Variants in RBM15B observed in about 807,000 individuals in gnomAD.
The protein encoded by RBM15B is RNA binding motif protein 15B.
Under a neutral mutation model 53.3 loss-of-function variants are expected in RBM15B, and 11 were observed. The observed-to-expected ratio is 0.21, with a 90% CI of 0.13 to 0.34. The LOEUF is 0.34. RBM15B is among the 10% of genes least tolerant of loss of function. RBM15B has a pLI of 1.00. For synonymous variants in RBM15B, 631 were observed against 540.7 expected, an observed-to-expected ratio of 1.17 and a Z score of -2.32; for missense variants, 1,136 against 1,250.3, an observed-to-expected ratio of 0.91 and a Z score of 1.38.
Position 51,391,414 on chromosome 3 carries a change from C to T in RBM15B, c.15C>T (p.Ser5=). The T allele has an allele frequency of 8.0e-7, 1 of 1,254,736 alleles. No homozygotes were observed. The highest frequency in any genetic ancestry group is 1.0e-6 in the Non-Finnish European group (1 of 997,890). 77.7% of individuals were successfully genotyped at this position (1,254,736 alleles called of 1,614,324 possible). The change falls in exon 1 of 1, where the codon AGC becomes AGT. Residue 5 remains serine, a synonymous_variant. Transcript: ENST00000563281. The surrounding 1 kb of genome is among the most constrained non-coding windows in gnomAD (Gnocchi z 4.5). ...GCGCCAGCGCCATGAAGCGGCAGAG[C>T]GAGCGAGACTCTAGCCCGAGCGGGC... MKRQ[S]ERDSSPSGRG... is the part of the protein sequence containing the mutation.
chr3:51,392,526 G>GCGGT lies in RBM15B; in HGVS notation c.1128_1131dup (p.Ala378ArgfsTer16). 6.2e-7 allele frequency: 1 copy of GCGGT among 1,613,912 alleles called. No individual in the cohort carries two copies. The highest frequency in any genetic ancestry group is 8.5e-7 in the Non-Finnish European group (1 of 1,180,038). ...ATCAAGAGGCCTGCCCGTGGCCAGG[G>GCGGT]CGGTGCCTATGCCTTCCTCAAGTTC... On this transcript the variant is annotated frameshift_variant, in exon 1 of 1. Coordinates refer to ENST00000563281, the MANE Select transcript of RBM15B (RefSeq NM_013286.5). LOFTEE classifies it high-confidence loss of function. The surrounding 1 kb of genome is among the most constrained non-coding windows in gnomAD (Gnocchi z 7.5).
At position 51,391,297 on chromosome 3, in the gene RBM15B, T is replaced by G. The variant is rs2106638936; in HGVS notation, c.-103T>G. 4 of 964,346 alleles carry G rather than the reference T, an allele frequency of 4.1e-6. No individual in the cohort carries two copies. The highest frequency in any genetic ancestry group is 5.2e-6 in the Non-Finnish European group (4 of 767,904). The allele number at this position is 964,346 out of a possible 1,614,324, so 59.7% of individuals were successfully genotyped here. A position where few individuals can be genotyped will look rare whatever the true frequency, so the allele number is the denominator to read the frequency against. ...CGCCGCCACCGCCGCGCCGAGTCCTTTTGTCCAAGATGGCGGCGCCGGGGG... is the reference window on the plus strand; with the variant it reads ...CGCCGCCACCGCCGCGCCGAGTCCTGTTGTCCAAGATGGCGGCGCCGGGGG... On this transcript the variant is annotated 5_prime_UTR_variant, in exon 1 of 1. Transcript: ENST00000563281. The surrounding 1 kb of genome is among the most constrained non-coding windows in gnomAD (Gnocchi z 4.5).
In RBM15B at chr3:51,393,757, G is replaced by A. The variant is rs782482247; in HGVS notation, c.2358G>A (p.Gly786=). The A allele has an allele frequency of 6.2e-7, 1 of 1,613,854 alleles. No individual in the cohort carries two copies. The highest frequency in any genetic ancestry group is 1.1e-5 in the South Asian group (1 of 91,066). The change falls in exon 1 of 1, where the codon GGG becomes GGA. Residue 786 remains glycine, a synonymous_variant. Transcript: ENST00000563281. This position sits in a 1 kb window ranked among gnomAD's most constrained non-coding sequence, Gnocchi z 5.6. ...LDEVTRRIKQ[G]SPNGYAVLLA... ...AGGTCACACGACGCATCAAGCAGGG[G>A]AGCCCCAACGGCTATGCGGTCCTCT...
At position 51,395,405 on chromosome 3, in the gene RBM15B, G is replaced by A. The variant is rs1553622504; in HGVS notation, c.*1333G>A. The A allele has an allele frequency of 5.6e-6, 1 of 177,738 alleles. No homozygotes were observed. Among genetic ancestry groups the A allele is most frequent in the Non-Finnish European group, 1.3e-5 (1 of 75,446 alleles). The allele number at this position is 177,738 out of a possible 1,614,324, so 11.0% of individuals were successfully genotyped here. Reference sequence around the variant, plus strand: ...GGAGGTACCCTCTAGCTGGGAAGAAGGGTGAGATTCCGTCTTCTTCCCTGT... The same window carrying A: ...GGAGGTACCCTCTAGCTGGGAAGAAAGGTGAGATTCCGTCTTCTTCCCTGT... On this transcript the variant is annotated 3_prime_UTR_variant, in exon 1 of 1. Transcript: ENST00000563281.
rs1553621573 is a variant in RBM15B at position 51,391,798 on chromosome 3, G to T, written c.399G>T (p.Ala133=). ...GAEPACPGSS[A]AAPEYKTLLI... ...AGCCCGCGTGTCCCGGCTCATCCGCGGCCGCGCCTGAGTACAAGACGTTGC... is the reference window on the plus strand; with the variant it reads ...AGCCCGCGTGTCCCGGCTCATCCGCTGCCGCGCCTGAGTACAAGACGTTGC... Residue 133 remains alanine (A), a synonymous_variant, in exon 1 of 1, where the codon GCG becomes GCT. Transcript: ENST00000563281. This position sits in a 1 kb window ranked among gnomAD's most constrained non-coding sequence, Gnocchi z 4.5. 6.3e-7 allele frequency: 1 copy of T among 1,592,270 alleles called. No individual in the cohort carries two copies. The highest frequency in any genetic ancestry group is 1.4e-5 in the African/African-American group (1 of 73,242).
At position 51,396,300 on chromosome 3, in the gene RBM15B, C is replaced by T. The variant is rs1229673863; in HGVS notation, c.*2228C>T. On this transcript the variant is annotated 3_prime_UTR_variant, in exon 1 of 1. Coordinates refer to ENST00000563281, the MANE Select transcript of RBM15B (RefSeq NM_013286.5). ...CTCTTCAGAGAAAGGTGTCCCATGG[C>T]CCCAAAAAGAACTGCCAAGTTTTGG... is the stretch of plus-strand genomic sequence containing the variant. 2 of 187,072 alleles carry T rather than the reference C, an allele frequency of 1.1e-5. No individual in the cohort carries two copies. The highest frequency in any genetic ancestry group is 2.4e-5 in the Non-Finnish European group (2 of 81,722). The allele number at this position is 187,072 out of a possible 1,614,324, so 11.6% of individuals were successfully genotyped here.
Position 51,394,289 on chromosome 3 carries a change from G to A in RBM15B, c.*217G>A. On this transcript the variant is annotated 3_prime_UTR_variant, in exon 1 of 1. Transcript: ENST00000563281. ...GATGAGAAGGGAATCCGGTTATGTT[G>A]ATTTCTAGTGTACAAGATACTGTCT... The A allele has an allele frequency of 1.8e-6, 1 of 555,210 alleles. No individual in the cohort carries two copies. The highest frequency in any genetic ancestry group is 2.8e-6 in the Non-Finnish European group (1 of 361,182). 34.4% of individuals were successfully genotyped at this position (555,210 alleles called of 1,614,324 possible).
chr3:51,395,948 A>C lies in RBM15B; in HGVS notation c.*1876A>C, dbSNP rs148536321. ...GTCACAGCTGCCAGGTACCTAAGCA[A>C]GTCAGTTGGGTACAGCAGGACACGC... On this transcript the variant is annotated 3_prime_UTR_variant, in exon 1 of 1. Transcript: ENST00000563281. 1.7e-4 allele frequency: 71 copies of C among 413,482 alleles called. No individual in the cohort carries two copies. Among genetic ancestry groups the C allele is most frequent in the African/African-American group, 1.3e-3 (63 of 48,740 alleles). 25.6% of individuals were successfully genotyped at this position (413,482 alleles called of 1,614,324 possible).
In RBM15B at chr3:51,393,217, A is replaced by C; in HGVS notation, c.1818A>C (p.Thr606=). ...GCCTTTCCAGTGACCGTGGGAGGAC[A>C]ACCCATTCACCATATGAGGAACGGA... ...RRSLSSDRGR[T]THSPYEERSR... The change falls in exon 1 of 1, where the codon ACA becomes ACC. Residue 606 remains threonine, a synonymous_variant. Coordinates refer to ENST00000563281, the MANE Select transcript of RBM15B (RefSeq NM_013286.5). This position sits in a 1 kb window ranked among gnomAD's most constrained non-coding sequence, Gnocchi z 5.6. The C allele has an allele frequency of 3.7e-6, 6 of 1,613,900 alleles. No homozygotes were observed. The highest frequency in any genetic ancestry group is 5.1e-6 in the Non-Finnish European group (6 of 1,179,864).
chr3:51,394,356 GA>G lies in RBM15B; in HGVS notation c.*287del. 3.2e-6 allele frequency: 1 copy of G among 310,236 alleles called. No homozygotes were observed. Among genetic ancestry groups the G allele is most frequent in the Non-Finnish European group, 6.0e-6 (1 of 167,620 alleles). The allele number at this position is 310,236 out of a possible 1,614,324, so 19.2% of individuals were successfully genotyped here. ...TTTTTATTTTTTGACCAACTGTATG[GA>G]AAGTTGTCAGTAAAACCTTTGACAG... On this transcript the variant is annotated 3_prime_UTR_variant, in exon 1 of 1. Transcript: ENST00000563281.
Position 51,394,089 on chromosome 3 carries a change from C to CT in RBM15B, c.*17_*18insT. On this transcript the variant is annotated 3_prime_UTR_variant, in exon 1 of 1. Coordinates refer to ENST00000563281, the MANE Select transcript of RBM15B (RefSeq NM_013286.5). ...ACTGCCTAGCCCAAGCCTGTCTTTCCCAGCGTCATGTTTGTGTCACAAAAG... is the reference window on the plus strand; with the variant it reads ...ACTGCCTAGCCCAAGCCTGTCTTTCCTCAGCGTCATGTTTGTGTCACAAAAG... 1 of 1,405,352 alleles carries CT rather than the reference C, an allele frequency of 7.1e-7. No individual in the cohort carries two copies. The highest frequency in any genetic ancestry group is 9.3e-7 in the Non-Finnish European group (1 of 1,074,910). 87.1% of individuals were successfully genotyped at this position (1,405,352 alleles called of 1,614,324 possible). A position where few individuals can be genotyped will look rare whatever the true frequency, so the allele number is the denominator to read the frequency against.
At position 51,395,737 on chromosome 3, in the gene RBM15B, G is replaced by C. The variant is rs1287116972; in HGVS notation, c.*1665G>C. The C allele has an allele frequency of 2.4e-6, 1 of 413,156 alleles. No homozygotes were observed. The highest frequency in any genetic ancestry group is 4.4e-6 in the Non-Finnish European group (1 of 226,072). 25.6% of individuals were successfully genotyped at this position (413,156 alleles called of 1,614,324 possible). On this transcript the variant is annotated 3_prime_UTR_variant, in exon 1 of 1. Transcript: ENST00000563281. Reference sequence around the variant, plus strand: ...CTGAGATTAGAGGCTGGGGCTCACTGCAGGCTGTGGAGAGGTCATGCTGGT... The same window carrying C: ...CTGAGATTAGAGGCTGGGGCTCACTCCAGGCTGTGGAGAGGTCATGCTGGT...
chr3:51,393,180 G>A lies in RBM15B; in HGVS notation c.1781G>A (p.Arg594Gln). The stretch of plus-strand genomic sequence containing the variant: ...TTGCCCAAGCCCTGGGAAGAGAGGC[G>A]GAAACGGAGAAGCCTTTCCAGTGAC... Reference protein sequence around the residue: ...RGLPKPWEERRKRRSLSSDRG... With the variant: ...RGLPKPWEERQKRRSLSSDRG... The change falls in exon 1 of 1, where the codon CGG becomes CAG. Residue 594 changes from arginine to glutamine, a missense_variant. Transcript: ENST00000563281. The surrounding 1 kb of genome is among the most constrained non-coding windows in gnomAD (Gnocchi z 5.6). The A allele has an allele frequency of 1.2e-6, 2 of 1,613,952 alleles. No homozygotes were observed. The highest frequency in any genetic ancestry group is 1.7e-6 in the Non-Finnish European group (2 of 1,179,892).
chr3:51,393,923 G>C lies in RBM15B; in HGVS notation c.2524G>C (p.Gly842Arg), dbSNP rs782415355. Reference sequence around the variant, plus strand: ...CGCAGGGGTGATCAGCTTGCCAGTGGGGGGGTCCAAGGGCAGAGACGGCAC... The same window carrying C: ...CGCAGGGGTGATCAGCTTGCCAGTGCGGGGGTCCAAGGGCAGAGACGGCAC... ...QAAGVISLPV[G>R]GSKGRDGTGM... Residue 842 changes from glycine to arginine, a missense_variant, in exon 1 of 1, where the codon GGG (glycine) becomes CGG (arginine). Coordinates refer to ENST00000563281, the MANE Select transcript of RBM15B (RefSeq NM_013286.5). This position sits in a 1 kb window ranked among gnomAD's most constrained non-coding sequence, Gnocchi z 5.6. The C allele has an allele frequency of 2.6e-6, 4 of 1,539,256 alleles. No individual in the cohort carries two copies. Among genetic ancestry groups the C allele is most frequent in the South Asian group, 1.3e-5 (1 of 78,664 alleles).
rs2089093538 is a variant in RBM15B, at chr3:51,394,105, G to A, written c.*33G>A. On this transcript the variant is annotated 3_prime_UTR_variant, in exon 1 of 1. Transcript: ENST00000563281. ...CTGTCTTTCCCAGCGTCATGTTTGTGTCACAAAAGCAGTTATTTTAAAATC... is the reference window on the plus strand; with the variant it reads ...CTGTCTTTCCCAGCGTCATGTTTGTATCACAAAAGCAGTTATTTTAAAATC... 7.2e-7 allele frequency: 1 copy of A among 1,390,382 alleles called. No homozygotes were observed. The highest frequency in any genetic ancestry group is 2.1e-5 in the South Asian group (1 of 46,784). 86.1% of individuals were successfully genotyped at this position (1,390,382 alleles called of 1,614,324 possible).
chr3:51,393,500 C>G lies in RBM15B; in HGVS notation c.2101C>G (p.Pro701Ala). 1 of 1,614,084 alleles carries G rather than the reference C, an allele frequency of 6.2e-7. No individual in the cohort carries two copies. Among genetic ancestry groups the G allele is most frequent in the Non-Finnish European group, 8.5e-7 (1 of 1,180,012 alleles). The change falls in exon 1 of 1, where the codon CCA becomes GCA. Residue 701 changes from proline (P) to alanine (A), a missense_variant. By Grantham distance (27) the Pro-to-Ala change is conservative (BLOSUM62 -1). Transcript: ENST00000563281. The surrounding 1 kb of genome is among the most constrained non-coding windows in gnomAD (Gnocchi z 5.6). ...TEAEPKPLEE[P>A]KHETKKLKNL... is the part of the protein sequence containing the mutation. ...GGCCGAGCCCAAGCCTCTGGAAGAGCCAAAACACGAGACCAAAAAGCTGAA... is the reference window on the plus strand; with the variant it reads ...GGCCGAGCCCAAGCCTCTGGAAGAGGCAAAACACGAGACCAAAAAGCTGAA...
chr3:51,393,666 C>T lies in RBM15B; in HGVS notation c.2267C>T (p.Ser756Phe). 6.2e-7 allele frequency: 1 copy of T among 1,612,760 alleles called. No individual in the cohort carries two copies. The highest frequency in any genetic ancestry group is 1.3e-5 in the African/African-American group (1 of 75,052). ...AGCAGTCTCCTCAAAGACCACACTT[C>T]TGGGAGCAAGCTGACCCAGCTGAAG... ...VISSLLKDHT[S>F]GSKLTQLKIA... Residue 756 changes from serine (S) to phenylalanine (F), a missense_variant, in exon 1 of 1, where the codon TCT becomes TTT. By Grantham distance (155) the Ser-to-Phe change is radical. Transcript: ENST00000563281. The surrounding 1 kb of genome is among the most constrained non-coding windows in gnomAD (Gnocchi z 5.6).
In RBM15B at chr3:51,391,486, G is replaced by T; in HGVS notation, c.87G>T (p.Glu29Asp). The change falls in exon 1 of 1, where the codon GAG becomes GAT. Residue 29 changes from glutamate to aspartate, a missense_variant. This residue lies in a region of RBM15B where 257 missense variants were observed against 261.1 expected (regional missense o/e 0.98). Coordinates refer to ENST00000563281, the MANE Select transcript of RBM15B (RefSeq NM_013286.5). This position sits in a 1 kb window ranked among gnomAD's most constrained non-coding sequence, Gnocchi z 4.5. ...AGCGTCCGCGGGAGCGCGAACGGGA[G>T]GCGGAGGCGGGCGGGCGGCGGGCGG... ...SAKRPRERER[E>D]AEAGGRRAAH... 8.1e-7 allele frequency: 1 copy of T among 1,230,478 alleles called. No individual in the cohort carries two copies. The highest frequency in any genetic ancestry group is 3.1e-5 in the South Asian group (1 of 32,750). 76.2% of individuals were successfully genotyped at this position (1,230,478 alleles called of 1,614,324 possible).
rs1428587729 is a variant in RBM15B, at chr3:51,397,431, T to G, written c.*3359T>G. On this transcript the variant is annotated 3_prime_UTR_variant, in exon 1 of 1. Transcript: ENST00000563281. ...TGTCACAATCCCTTTCAGAAAACAT[T>G]AGTGGCCGCTGCCCCAGCTACAGAG... 3 of 167,018 alleles carry G rather than the reference T, an allele frequency of 1.8e-5. No individual in the cohort carries two copies. Among genetic ancestry groups the G allele is most frequent in the African/African-American group, 7.2e-5 (3 of 41,436 alleles). The allele number at this position is 167,018 out of a possible 1,614,324, so 10.3% of individuals were successfully genotyped here. A position where few individuals can be genotyped will look rare whatever the true frequency, so the allele number is the denominator to read the frequency against.
Sources: allele counts gnomAD v4.1 joint callset, GRCh38; gene constraint gnomAD v4.1.1; regional missense constraint gnomAD v4.1.1; non-coding constraint Gnocchi (gnomAD v3.1); transcripts MANE v1.5; gene names NCBI Gene and HGNC (gene_info 2026-07-23, HGNC 2026-07-21).